ZNF91: variants seen among roughly 807,000 people sequenced by gnomAD.
ZNF91 encodes the protein zinc finger protein 91, also known as zinc finger protein 91 (HPF7, HTF10).
Under a neutral mutation model 12.6 loss-of-function variants are expected in ZNF91, and 7 were observed. The observed-to-expected ratio is 0.55, with a 90% CI of 0.31 to 1.04. The LOEUF (loss-of-function observed/expected upper bound fraction) is 1.04, where lower values mean the gene tolerates loss of function less well. Ranked by LOEUF, ZNF91 falls within the 50% of genes least tolerant of loss-of-function variation. The pLI, the probability that ZNF91 is intolerant of heterozygous loss-of-function variation, is 0.05. For missense variants in ZNF91, 1,217 were observed against 1,385.4 expected, an observed-to-expected ratio of 0.88 and a Z score of 1.93; for synonymous variants, 453 against 462.6, an observed-to-expected ratio of 0.98 and a Z score of 0.27.
At chr19:23,323,473 C>T (rs1324785914) in intron 1 of ZNF91, among the ~76,000 whole-genome samples, 1 of 125,544 alleles carries the variant, frequency 8.0e-6, no homozygotes, top group Non-Finnish European at 1.6e-5. Flanking sequence ...CTGTCCTCTT[C>T]TCCTCCGTCT....
In ZNF91 at chr19:23,362,634, A is replaced by G. The variant is rs1968857929; in HGVS notation, c.345T>C (p.Cys115=). 6.3e-7 allele frequency: 1 copy of G among 1,582,624 alleles called. No individual in the cohort carries two copies. The highest frequency in any genetic ancestry group is 1.4e-5 in the African/African-American group (1 of 73,444). Residue 115 remains cysteine (C), a synonymous_variant, in exon 4 of 4, where the codon TGT becomes TGC. Coordinates refer to ENST00000300619, the MANE Select transcript of ZNF91 (RefSeq NM_003430.4). The stretch of plus-strand genomic sequence containing the variant: ...TTCTTAACTGTAAATTCTCATGTCC[A>G]CATTTTTCATATTTTCTCAGTAATA... The part of the protein sequence containing the change: ...QKVLLRKYEK[C]GHENLQLRKG...
At chr19:23,333,194 T>C (rs542313960) in intron 1 of ZNF91, among the ~76,000 whole-genome samples, 1 of 152,352 alleles carries the variant, frequency 6.6e-6, no homozygotes, top group South Asian at 2.1e-4. Flanking sequence ...GATTTCAAAC[T>C]GTACACTCAT....
intron 1 of ZNF91, among the ~76,000 whole-genome samples, chr19:23,383,152 A>G (rs1292426819): frequency 2.0e-5 from 3 of 152,258 alleles, no homozygotes; most frequent in Non-Finnish European, 2.9e-5. Flanking sequence ...ATGAGCAAGT[A>G]GAATTTATTT....
chr19:23,350,366 T>C (rs969937299), intron 3 of ZNF91, among the ~76,000 whole-genome samples: 1 of 152,100 alleles, frequency 6.6e-6, no homozygotes, highest in African/African-American at 2.4e-5. Flanking sequence ...GTTCCTCCTG[T>C]TTCTCTCCTG....
chr19:23,344,858 AG>A (rs1968190120), intron 3 of ZNF91, among the ~76,000 whole-genome samples: 3 of 152,222 alleles, frequency 2.0e-5, no homozygotes, highest in African/African-American at 7.2e-5. Flanking sequence ...AACAGTTGGC[AG>A]GAAGACACAT....
intron 1 of ZNF91, among the ~76,000 whole-genome samples, chr19:23,309,254 C>T (rs961395968): frequency 3.3e-5 from 5 of 152,100 alleles, no homozygotes; most frequent in Non-Finnish European, 7.3e-5. Context: ...CCTGCCTGGG[C>T]GATGACCACC....
chr19:23,339,355 C>T (rs1232494087), intron 3 of ZNF91: 1 of 152,052 alleles, frequency 6.6e-6, no homozygotes, highest in Non-Finnish European at 1.5e-5. Context: ...AACCCAACAT[C>T]ACAGCACCCT....
downstream of ZNF91, among the ~76,000 whole-genome samples, chr19:23,355,312 G>A (rs916856932): frequency 6.6e-6 from 1 of 152,070 alleles, no homozygotes; most frequent in Non-Finnish European, 1.5e-5. Flanking sequence ...AATAATTACA[G>A]CCAAGCAATC....
chr19:23,391,542 T>C (rs983490708), intron 1 of ZNF91, among the ~76,000 whole-genome samples: 5 of 152,184 alleles, frequency 3.3e-5, no homozygotes, highest in Non-Finnish European at 5.9e-5. Flanking sequence ...AAAAATCTTA[T>C]AGTCACTACT....
In ZNF91 at chr19:23,362,727, T is replaced by TA. The variant is rs1175032366; in HGVS notation, c.254-3_254-2insT. 17 of 1,424,244 alleles carry TA rather than the reference T, an allele frequency of 1.2e-5. No homozygotes were observed. Among genetic ancestry groups the TA allele is most frequent in the East Asian group, 7.2e-5 (3 of 41,616 alleles). The allele number at this position is 1,424,244 out of a possible 1,614,324, so 88.2% of individuals were successfully genotyped here. On this transcript the variant is annotated splice_region_variant and splice_polypyrimidine_tract_variant and intron_variant, in intron 3 of 3. Coordinates refer to ENST00000300619, the MANE Select transcript of ZNF91 (RefSeq NM_003430.4). ...CTTGAGGAAAATGAGGACATATACC[T>TA]GAAAAAAAAAAACTAAAAATAATAA...
intron 1 of ZNF91, among the ~76,000 whole-genome samples, chr19:23,321,726 T>C (rs1442635833): frequency 6.6e-6 from 1 of 152,132 alleles, no homozygotes; most frequent in African/African-American, 2.4e-5. Flanking sequence ...CATCTGTGGG[T>C]CCATAAATAT....
chr19:23,325,180 C>T (rs1171404958), intron 1 of ZNF91: 1 of 151,682 alleles, frequency 6.6e-6, no homozygotes, highest in African/African-American at 2.4e-5. Context: ...GATGAGGAGA[C>T]TAAATTCCAG....
chr19:23,333,092 C>A (rs1967953079), intron 1 of ZNF91, among the ~76,000 whole-genome samples: 1 of 152,152 alleles, frequency 6.6e-6, no homozygotes. Flanking sequence ...ACTCTCTTAT[C>A]TTTTGAAACC....
At chr19:23,370,043 C>CAAAA (rs945592779) in intron 3 of ZNF91, among the ~76,000 whole-genome samples, 17 of 148,086 alleles carry the variant, frequency 1.1e-4, no homozygotes, top group African/African-American at 3.9e-4. Context: ...AACAAACAAA[C>CAAAA]AAAACTTATA....
chr19:23,370,078 G>A (rs1055719626), intron 3 of ZNF91, among the ~76,000 whole-genome samples: 2 of 150,364 alleles, frequency 1.3e-5, no homozygotes, highest in African/African-American at 4.9e-5. Context: ...AAAGCAGGAT[G>A]CACCCATTAT....
In ZNF91 at chr19:23,374,638, C is replaced by G. The variant is rs1194340156; in HGVS notation, c.157G>C (p.Gly53Arg). The change falls in exon 2 of 4, where the codon GGT becomes CGT. Residue 53 changes from glycine (G) to arginine (R), a missense_variant and splice_region_variant. Physicochemically the swap from Gly to Arg is moderately radical, Grantham distance 125. Transcript: ENST00000300619. ...AACTTAGTATTAAAGTTTTCCTTAC[C>G]CAGGAAGGCCAGGTTTCTGTAGTTC... ...LENYRNLAFL[G>R]IALSKPDLIT... The G allele has an allele frequency of 6.2e-6, 10 of 1,609,276 alleles. No individual in the cohort carries two copies. Among genetic ancestry groups the G allele is most frequent in the Non-Finnish European group, 7.6e-6 (9 of 1,177,738 alleles).
chr19:23,380,731 G>A (rs2145117143), intron 1 of ZNF91: 1 of 152,300 alleles, frequency 6.6e-6, no homozygotes, highest in Non-Finnish European at 1.5e-5. Flanking sequence ...CACAGCATGA[G>A]AAACATGAGT....
At chr19:23,380,261 C>T (rs1316204958) in intron 1 of ZNF91, 1 of 54,024 alleles carries the variant, frequency 1.9e-5, no homozygotes, top group Non-Finnish European at 3.3e-5. Context: ...GGGGAAAATC[C>T]GTCTCAAAAA....
At chr19:23,369,327 G>T (rs897536182) in intron 3 of ZNF91, among the ~76,000 whole-genome samples, 1 of 150,878 alleles carries the variant, frequency 6.6e-6, no homozygotes, top group East Asian at 2.0e-4. Flanking sequence ...AAAAAACAAC[G>T]CCCGGGAGGG....
Sources: allele counts gnomAD v4.1 joint callset (sites outside exome capture counted in the v4.1 genomes callset), GRCh38; gene constraint gnomAD v4.1.1; transcripts MANE v1.5; gene names NCBI Gene and HGNC (gene_info 2026-07-23, HGNC 2026-07-21).